SMIM43: variants seen among roughly 807,000 people sequenced by gnomAD.
The protein encoded by SMIM43 is small integral membrane protein 43.
In SMIM43 at chr4:121,759,715, T is replaced by C. The variant is rs1276760343; in HGVS notation, c.*1259A>G. 6.6e-6 allele frequency: 1 copy of C among 152,220 alleles called. No homozygotes were observed. Among genetic ancestry groups the C allele is most frequent in the Non-Finnish European group, 1.5e-5 (1 of 68,060 alleles). The allele number at this position is 152,220 out of a possible 1,614,324, so 9.4% of individuals were successfully genotyped here. On this transcript the variant is annotated 3_prime_UTR_variant, in exon 6 of 6. Coordinates refer to ENST00000643802, the MANE Select transcript of SMIM43 (RefSeq NM_001384332.1). ...GGCAATTCTTCTCCCAGGATATTCC[T>C]AGACTGGTGGTGGAGTCACAGAAAG...
At chr4:121,760,926 A>G (rs1007829236) in intron 5 of SMIM43, among the ~76,000 whole-genome samples, 2 of 152,188 alleles carry the variant, frequency 1.3e-5, no homozygotes, top group African/African-American at 4.8e-5. Context: ...ACCTTAATCC[A>G]TCAGAAAGCT....
At chr4:121,761,927 T>C in intron 3 of SMIM43, 35 bp from the exon 4 acceptor site, 2 of 1,522,586 alleles carry the variant, frequency 1.3e-6, no homozygotes, top group Non-Finnish European at 1.8e-6. Context: ...ATAATAACAT[T>C]TGAAATAAAA....
chr4:121,762,003 T>C, intron 3 of SMIM43, 111 bp from the exon 4 acceptor site: 1 of 907,674 alleles, frequency 1.1e-6, no homozygotes. Flanking sequence ...AGTCACCTTC[T>C]AACATTGCTG....
chr4:121,760,467 C>T lies in SMIM43; in HGVS notation c.*507G>A. ...TCTTGTGGGGTGCTGCGGGGACCAT[C>T]TTGGAACCTGGAGGAAAAAGCCAAG... On this transcript the variant is annotated 3_prime_UTR_variant, in exon 6 of 6. Coordinates refer to ENST00000643802, the MANE Select transcript of SMIM43 (RefSeq NM_001384332.1). The T allele has an allele frequency of 1.3e-6, 2 of 1,539,770 alleles. No individual in the cohort carries two copies. The highest frequency in any genetic ancestry group is 1.7e-6 in the Non-Finnish European group (2 of 1,143,462).
chr4:121,759,632 G>A lies in SMIM43; in HGVS notation c.*1342C>T, dbSNP rs1227724745. ...TTCTTTTAGACAGCCCTAGATGTGG[G>A]AAGTGTTTCTTCTTTGCTTAGCTAG... On this transcript the variant is annotated 3_prime_UTR_variant, in exon 6 of 6. Transcript: ENST00000643802. 2.6e-5 allele frequency: 4 copies of A among 152,188 alleles called. No individual in the cohort carries two copies. Among genetic ancestry groups the A allele is most frequent in the African/African-American group, 7.2e-5 (3 of 41,434 alleles). The allele number at this position is 152,188 out of a possible 1,614,324, so 9.4% of individuals were successfully genotyped here.
Position 121,760,063 on chromosome 4 carries a change from C to A in SMIM43, c.*911G>T. ...TTTGTGAGAACACCTGACATGCCTT[C>A]ACTCTGCTCACTCTGTCAGAGGGGA... On this transcript the variant is annotated 3_prime_UTR_variant, in exon 6 of 6. Coordinates refer to ENST00000643802, the MANE Select transcript of SMIM43 (RefSeq NM_001384332.1). 1 of 435,542 alleles carries A rather than the reference C, an allele frequency of 2.3e-6. No homozygotes were observed. The highest frequency in any genetic ancestry group is 3.8e-6 in the Non-Finnish European group (1 of 264,838). 27.0% of individuals were successfully genotyped at this position (435,542 alleles called of 1,614,324 possible).
At chr4:121,765,403 C>A (rs763127276), upstream of SMIM43, 15 of 235,104 alleles carry the variant, frequency 6.4e-5, no homozygotes, top group Non-Finnish European at 9.0e-5. Flanking sequence ...CTTCCGCGGG[C>A]ACGGACGCCA....
At chr4:121,760,614 A>G in intron 5 of SMIM43, 140 bp from the exon 6 acceptor site, 2 of 1,334,488 alleles carry the variant, frequency 1.5e-6, no homozygotes, top group Non-Finnish European at 1.9e-6. Context: ...AATTTATTTA[A>G]GCCGCTCTTC....
In SMIM43 at chr4:121,760,291, T is replaced by G. The variant is rs1179887868; in HGVS notation, c.*683A>C. The G allele has an allele frequency of 6.3e-7, 1 of 1,596,174 alleles. No homozygotes were observed. The highest frequency in any genetic ancestry group is 1.8e-5 in the Admixed American group (1 of 54,718). ...ATATATCCAGCTACAAAAACTACAT[T>G]TCTCAGACAATCTTGCAGATAGCAG... On this transcript the variant is annotated 3_prime_UTR_variant, in exon 6 of 6. Coordinates refer to ENST00000643802, the MANE Select transcript of SMIM43 (RefSeq NM_001384332.1).
chr4:121,765,371 G>T (rs1043719704), upstream of SMIM43: 8 of 284,884 alleles, frequency 2.8e-5, no homozygotes, highest in Non-Finnish European at 5.2e-5. Flanking sequence ...TTGAGGACGC[G>T]AGCGACTTCC....
At chr4:121,764,788 G>A (rs925660773) in intron 1 of SMIM43, 29 bp downstream of exon 1, 23 of 395,062 alleles carry the variant, frequency 5.8e-5, no homozygotes, top group African/African-American at 4.3e-4. Flanking sequence ...ACGCCGGAAC[G>A]GACCCGTCAG....
chr4:121,761,814 G>T lies in SMIM43; in HGVS notation c.*341+16C>A. On this transcript the variant is annotated intron_variant, in intron 4 of 5. Transcript: ENST00000643802. ...GGTTATCTTGCCAAGTAGAACTGCA[G>T]ATCCATTGCACTTACAAGTTTGGAA... 6.2e-7 allele frequency: 1 copy of T among 1,612,542 alleles called. No homozygotes were observed. Among genetic ancestry groups the T allele is most frequent in the Non-Finnish European group, 8.5e-7 (1 of 1,178,982 alleles).
At chr4:121,761,778 C>T (rs1246933493) in intron 4 of SMIM43, 52 bp downstream of exon 4, 18 of 1,610,514 alleles carry the variant, frequency 1.1e-5, no homozygotes, top group Non-Finnish European at 1.5e-5. Flanking sequence ...CATTCTCATT[C>T]AACTTAAAAT....
chr4:121,762,041 A>C, intron 3 of SMIM43, 149 bp from the exon 4 acceptor site: 2 of 659,696 alleles, frequency 3.0e-6, no homozygotes, highest in Non-Finnish European at 5.1e-6. Flanking sequence ...TTTTTATTGA[A>C]AATAAAACAC....
At chr4:121,763,686 C>T (rs1726189444) in intron 2 of SMIM43, 78 bp downstream of exon 2, 1 of 152,146 alleles carries the variant, frequency 6.6e-6, no homozygotes, top group Non-Finnish European at 1.5e-5. Context: ...CCTGAACCAA[C>T]ATGTTTTTAG....
intron 3 of SMIM43, among the ~76,000 whole-genome samples, chr4:121,762,233 C>A (rs1310066348): frequency 6.6e-6 from 1 of 152,120 alleles, no homozygotes; most frequent in Non-Finnish European, 1.5e-5. Flanking sequence ...TAGAAGCCTG[C>A]AACCTAGACC....
intron 3 of SMIM43, 138 bp from the exon 4 acceptor site, chr4:121,762,030 C>G: frequency 1.4e-6 from 1 of 698,820 alleles, no homozygotes; most frequent in Non-Finnish European, 2.3e-6. Flanking sequence ...CACTAAAAAC[C>G]TTTTTATTGA....
intron 1 of SMIM43, 77 bp from the exon 2 acceptor site, chr4:121,763,949 A>C (rs1039362216): frequency 3.9e-5 from 6 of 152,112 alleles, no homozygotes; most frequent in African/African-American, 1.4e-4. Context: ...CATTAGCGAG[A>C]GGGTACTTAG....
intron 1 of SMIM43, 190 bp downstream of exon 1, chr4:121,764,627 T>C (rs2110530413): frequency 3.0e-6 from 1 of 338,592 alleles, no homozygotes; most frequent in Non-Finnish European, 5.3e-6. Flanking sequence ...AATTCTCTTT[T>C]CGCCATCTCT....
Sources: allele counts gnomAD v4.1 joint callset (sites outside exome capture counted in the v4.1 genomes callset), GRCh38; gene constraint gnomAD v4.1.1; transcripts MANE v1.5; gene names NCBI Gene and HGNC (gene_info 2026-07-23, HGNC 2026-07-21).